The following SNTB1 variants were observed in gnomAD, a reference collection of about 807,000 sequenced individuals.
SNTB1 encodes the protein beta-1-syntrophin.
In SNTB1, 36 loss-of-function variants were observed where a neutral mutation model predicts 48.9. The ratio of observed to expected loss-of-function variants is 0.74; its 90% confidence interval spans 0.56 to 0.97. The LOEUF is 0.97. SNTB1 is among the 50% of genes least tolerant of loss of function. The pLI is 0.00. For missense variants in SNTB1, 786 were observed against 703.4 expected, an observed-to-expected ratio of 1.12 and a Z score of -1.33; for synonymous variants, 299 against 294.6, an observed-to-expected ratio of 1.01 and a Z score of -0.15.
intron 2 of SNTB1, among the ~76,000 whole-genome samples, chr8:120,643,670 G>A (rs1188333182): frequency 1.3e-5 from 2 of 152,168 alleles, no homozygotes; most frequent in Non-Finnish European, 2.9e-5. Context: ...ATTGGTTGAT[G>A]GGCATTTAGG....
At chr8:120,805,908 G>A (rs979595272) in intron 1 of SNTB1, among the ~76,000 whole-genome samples, 4 of 152,106 alleles carry the variant, frequency 2.6e-5, no homozygotes, top group African/African-American at 9.7e-5. Context: ...ACTTATTCAC[G>A]GTGTGTTTTT....
At chr8:120,680,281 G>A (rs897415845) in intron 2 of SNTB1, among the ~76,000 whole-genome samples, 1 of 152,204 alleles carries the variant, frequency 6.6e-6, no homozygotes, top group African/African-American at 2.4e-5. Context: ...GGGAAGCTAT[G>A]TCAGGGCAAG....
intron 1 of SNTB1, among the ~76,000 whole-genome samples, chr8:120,758,489 T>A (rs1334467755): frequency 6.6e-6 from 1 of 152,222 alleles, no homozygotes; most frequent in African/African-American, 2.4e-5. Flanking sequence ...ATGTTCCTTA[T>A]TTGTGCTTTA....
At chr8:120,701,994 T>G (rs1224203999) in intron 1 of SNTB1, among the ~76,000 whole-genome samples, 1 of 152,242 alleles carries the variant, frequency 6.6e-6, no homozygotes, top group South Asian at 2.1e-4. Context: ...AGATAATTGA[T>G]GCCAAAGTAA....
intron 3 of SNTB1, among the ~76,000 whole-genome samples, chr8:120,623,156 C>A (rs6986718): frequency 0.068 from 10,302 of 152,278 alleles, 421 homozygotes; most frequent in South Asian, 0.17. Context: ...CTCCTAAGAG[C>A]CTCACTCAGT....
chr8:120,639,815 T>C (rs532880617), intron 2 of SNTB1, among the ~76,000 whole-genome samples: 1 of 152,256 alleles, frequency 6.6e-6, no homozygotes, highest in Non-Finnish European at 1.5e-5. Flanking sequence ...GGTAGCATGA[T>C]GCCTTCAGCT....
intron 4 of SNTB1, among the ~76,000 whole-genome samples, chr8:120,553,985 G>A (rs1371666962): frequency 2.0e-5 from 3 of 152,096 alleles, no homozygotes; most frequent in African/African-American, 7.2e-5. Context: ...GGAACAGAGC[G>A]AGACTCCGTC....
chr8:120,701,164 C>G (rs1483915411), intron 1 of SNTB1, among the ~76,000 whole-genome samples: 2 of 152,084 alleles, frequency 1.3e-5, no homozygotes, highest in Non-Finnish European at 2.9e-5. Flanking sequence ...AGGAAAGATG[C>G]AGAGAGAGAT....
chr8:120,540,660 G>A (rs1247165594), intron 6 of SNTB1, among the ~76,000 whole-genome samples: 2 of 152,142 alleles, frequency 1.3e-5, no homozygotes, highest in African/African-American at 2.4e-5. Context: ...CCTACTGATT[G>A]AAACATACAA....
At chr8:120,665,379 G>A (rs1453948215) in intron 2 of SNTB1, among the ~76,000 whole-genome samples, 2 of 152,064 alleles carry the variant, frequency 1.3e-5, no homozygotes, top group Non-Finnish European at 2.9e-5. Context: ...TTGAACCTGG[G>A]AGGCGGAGTT....
chr8:120,632,755 CTT>C lies in SNTB1; in HGVS notation c.789-106_789-105del, dbSNP rs1023651410. The C allele has an allele frequency of 4.2e-6, 4 of 946,498 alleles. No homozygotes were observed. The African/African-American group carries it at 4.9e-5, about 12-fold the overall frequency. The allele number at this position is 946,498 out of a possible 1,614,324, so 58.6% of individuals were successfully genotyped here. ...TTAATTCTTTACTCCTTCTTTTAGA[CTT>C]TGTCAGTTTCTAACGGGATGCCTTA... On this transcript the variant is annotated intron_variant, in intron 2 of 6. Transcript: ENST00000517992.
chr8:120,673,707 G>A (rs1031966937), intron 2 of SNTB1, among the ~76,000 whole-genome samples: 5 of 150,328 alleles, frequency 3.3e-5, no homozygotes, highest in Non-Finnish European at 7.4e-5. Context: ...TACTATGACT[G>A]GTTGGCACCA....
At chr8:120,787,731 T>C (rs1040531090) in intron 1 of SNTB1, among the ~76,000 whole-genome samples, 15 of 152,244 alleles carry the variant, frequency 9.9e-5, no homozygotes, top group Admixed American at 2.6e-4. Flanking sequence ...TATGGGATTA[T>C]GTAAAATGGC....
intron 2 of SNTB1, among the ~76,000 whole-genome samples, chr8:120,689,532 A>T (rs1306102937): frequency 6.6e-6 from 1 of 152,178 alleles, no homozygotes; most frequent in African/African-American, 2.4e-5. Context: ...ATTAAATGAG[A>T]TTCTTGCTTA....
At chr8:120,769,079 C>G (rs560124738) in intron 1 of SNTB1, 88 of 152,362 alleles carry the variant, frequency 5.8e-4, no homozygotes, top group African/African-American at 2.1e-3. Context: ...CGTCTTCTCT[C>G]TCAGTTCCAG....
chr8:120,615,470 G>A (rs1167802801), intron 3 of SNTB1, among the ~76,000 whole-genome samples: 2 of 152,126 alleles, frequency 1.3e-5, no homozygotes, highest in South Asian at 4.1e-4. Flanking sequence ...ATGAATATGG[G>A]GCCTCATTAA....
At chr8:120,798,087 A>G (rs1004107484) in intron 1 of SNTB1, among the ~76,000 whole-genome samples, 25 of 152,060 alleles carry the variant, frequency 1.6e-4, no homozygotes, top group African/African-American at 5.6e-4. Flanking sequence ...CTATATGGCA[A>G]CAAGATGCCC....
At chr8:120,544,060 G>T (rs1358733057) in intron 5 of SNTB1, among the ~76,000 whole-genome samples, 1 of 151,730 alleles carries the variant, frequency 6.6e-6, no homozygotes, top group Non-Finnish European at 1.5e-5. Context: ...TGAGTAGCTG[G>T]GATTACAGGC....
intron 6 of SNTB1, among the ~76,000 whole-genome samples, chr8:120,539,518 G>T (rs933645933): frequency 1.3e-5 from 2 of 152,176 alleles, no homozygotes; most frequent in Non-Finnish European, 2.9e-5. Flanking sequence ...CCATCCTCTA[G>T]TCTTGAACTG....
Sources: allele counts gnomAD v4.1 joint callset (sites outside exome capture counted in the v4.1 genomes callset), GRCh38; gene constraint gnomAD v4.1.1; transcripts MANE v1.5; gene names NCBI Gene and HGNC (gene_info 2026-07-23, HGNC 2026-07-21).